Variants in SLC22A4 observed in about 807,000 individuals in gnomAD.
The protein encoded by SLC22A4 is ET transporter.
SLC22A4 carries 39 observed loss-of-function variants against 56.6 expected under a neutral mutation model. The observed-to-expected ratio is 0.69, with a 90% CI of 0.53 to 0.90. The LOEUF (loss-of-function observed/expected upper bound fraction) is 0.90. SLC22A4 is among the 40% of genes least tolerant of loss of function. SLC22A4 has a pLI of 0.00. For missense variants in SLC22A4, 594 were observed against 696.5 expected (o/e 0.85, Z 1.66); for synonymous variants, 241 against 281.4 (o/e 0.86, Z 1.44).
chr5:132,295,290 A>G (rs1580815357), intron 1 of SLC22A4: 1 of 654,616 alleles, frequency 1.5e-6, no homozygotes, highest in East Asian at 3.2e-5. Context: ...TTTCCTAAGA[A>G]CCTAGATGTT....
Position 132,294,899 on chromosome 5 carries a change from C to G in SLC22A4, c.283C>G (p.Leu95Val), listed in dbSNP as rs1300586749. The G allele has an allele frequency of 6.3e-7, 1 of 1,596,802 alleles. No individual in the cohort carries two copies. ...CGCCACCATCGCCAACTTCTCGGCG[C>G]TCGGGCTGGAGCCGGGGCGCGACGT... is the stretch of plus-strand genomic sequence containing the variant. ...RLATIANFSA[L>V]GLEPGRDVDL... Residue 95 changes from leucine to valine, a missense_variant, in exon 1 of 10, where the codon CTC (leucine) becomes GTC (valine). Transcript: ENST00000200652. This position sits in a 1 kb window ranked among gnomAD's most constrained non-coding sequence, Gnocchi z 5.6.
chr5:132,313,863 A>G, intron 3 of SLC22A4, 95 bp downstream of exon 3: 1 of 1,334,210 alleles, frequency 7.5e-7, no homozygotes, highest in Non-Finnish European at 1.1e-6. Context: ...GTGCTTCCAA[A>G]GCCTTTGGAT....
chr5:132,318,798 A>G (rs1750438205), intron 3 of SLC22A4, among the ~76,000 whole-genome samples: 1 of 152,146 alleles, frequency 6.6e-6, no homozygotes, highest in Admixed American at 6.5e-5. Flanking sequence ...GCCCAGCCAG[A>G]CCAAGACCAA....
intron 1 of SLC22A4, among the ~76,000 whole-genome samples, chr5:132,306,384 AATATATATATATATATATATAT>A (rs55779142): frequency 0.058 from 1,764 of 30,476 alleles, 99 homozygotes; most frequent in East Asian, 0.29. Flanking sequence ...CAAACCGTGA[AATATATATATATATATATATAT>A]ATATATATAT....
chr5:132,319,224 C>T (rs1750456595), intron 3 of SLC22A4, among the ~76,000 whole-genome samples: 1 of 150,850 alleles, frequency 6.6e-6, no homozygotes, highest in Non-Finnish European at 1.5e-5. Flanking sequence ...ATCGCTTGAA[C>T]CCAGGAGGAA....
chr5:132,296,893 ATGT>A (rs149323947), intron 1 of SLC22A4, among the ~76,000 whole-genome samples: 5,977 of 152,296 alleles, frequency 0.039, 327 homozygotes, highest in African/African-American at 0.12. Context: ...ATAGCTACTC[ATGT>A]TGTACGCTGT....
chr5:132,308,456 C>G (rs1301641234), intron 1 of SLC22A4, among the ~76,000 whole-genome samples: 1 of 124,270 alleles, frequency 8.0e-6, no homozygotes, highest in Non-Finnish European at 1.6e-5. Flanking sequence ...TTGCTCTGTG[C>G]CTTCATTTCC....
chr5:132,329,150 G>A (rs1011601846), intron 5 of SLC22A4, among the ~76,000 whole-genome samples: 1 of 151,600 alleles, frequency 6.6e-6, no homozygotes. Context: ...ATGTTGCCCA[G>A]GCTGGTCTCA....
chr5:132,313,639 G>A lies in SLC22A4; in HGVS notation c.523G>A (p.Ala175Thr), dbSNP rs144031153. 184 of 1,614,194 alleles carry A rather than the reference G, an allele frequency of 1.1e-4. No individual in the cohort carries two copies. The highest frequency in any genetic ancestry group is 1.5e-4 in the Non-Finnish European group (173 of 1,180,022). ...GTTTGGCAGGAAGAACGTTCTCTTC[G>A]CAACCATGGCTGTACAGACTGGCTT... ...DRFGRKNVLF[A>T]TMAVQTGFSF... is the part of the protein sequence containing the mutation. The change falls in exon 3 of 10, where the codon GCA becomes ACA. Residue 175 changes from alanine (A) to threonine (T), a missense_variant. Transcript: ENST00000200652.
At chr5:132,336,409 G>A (rs1429540858) in intron 8 of SLC22A4, among the ~76,000 whole-genome samples, 8 of 151,950 alleles carry the variant, frequency 5.3e-5, no homozygotes, top group East Asian at 3.9e-4. Context: ...CTGTAATCCC[G>A]GCTACTCTGG....
intron 8 of SLC22A4, among the ~76,000 whole-genome samples, chr5:132,339,200 T>A (rs1023729279): frequency 1.3e-5 from 2 of 152,334 alleles, no homozygotes; most frequent in Non-Finnish European, 2.9e-5. Context: ...CTCTTTGCAA[T>A]GGAAGAAATT....
At position 132,331,012 on chromosome 5, in the gene SLC22A4, T is replaced by G. The variant is rs1318883991; in HGVS notation, c.952-744T>G. Among the ~76,000 whole-genome samples the G allele has an allele frequency of 4.6e-5, 7 of 152,232 alleles. No individual in the cohort carries two copies. The East Asian group carries it at 1.4e-3, about 29-fold the overall frequency. On this transcript the variant is annotated intron_variant, in intron 5 of 9. Coordinates refer to ENST00000200652, the MANE Select transcript of SLC22A4 (RefSeq NM_003059.3). ...TCGTTACTTGCCCAAGGCCCGCCAG[T>G]AAACTGAAGTCTGTTCTGATGCTAA...
intron 9 of SLC22A4, among the ~76,000 whole-genome samples, chr5:132,342,530 C>T (rs1751251130): frequency 6.6e-6 from 1 of 152,194 alleles, no homozygotes; most frequent in Non-Finnish European, 1.5e-5. Context: ...TAGCATCAGA[C>T]TCCACAGGTG....
At chr5:132,328,899 A>ATGTG (rs1491041863) in intron 5 of SLC22A4, among the ~76,000 whole-genome samples, 15 of 22,018 alleles carry the variant, frequency 6.8e-4, no homozygotes, top group African/African-American at 2.0e-3. Context: ...ATATGTGTGT[A>ATGTG]TGTGTATATA....
At position 132,313,264 on chromosome 5, in the gene SLC22A4, G is replaced by A. The variant is rs147195274; in HGVS notation, c.498-350G>A. On this transcript the variant is annotated intron_variant, in intron 2 of 9. Transcript: ENST00000200652. ...GGATTTACAGAATTTTCATGTTGCT[G>A]ATTCAAGAAATATCTGCAATCTGTG... is the stretch of plus-strand genomic sequence containing the variant. Among the ~76,000 whole-genome samples, 761 of 152,304 alleles carry A rather than the reference G, an allele frequency of 5.0e-3. 2 individuals carry two copies. Among genetic ancestry groups the A allele is most frequent in the Middle Eastern group, 0.037 (11 of 294 alleles).
intron 8 of SLC22A4, 108 bp downstream of exon 8, chr5:132,336,108 T>C (rs1323003199): frequency 1.2e-5 from 14 of 1,174,250 alleles, no homozygotes. Flanking sequence ...TGGAAAAAAG[T>C]ACAAGTTCAC....
intron 5 of SLC22A4, among the ~76,000 whole-genome samples, chr5:132,331,172 A>C (rs1750846369): frequency 6.6e-6 from 1 of 152,128 alleles, no homozygotes. Flanking sequence ...GTCTCTACAA[A>C]AAATGCAAAA....
At chr5:132,324,554 G>A (rs1436717970) in intron 4 of SLC22A4, 1 of 471,192 alleles carries the variant, frequency 2.1e-6, no homozygotes, top group Non-Finnish European at 4.4e-6. Context: ...GCACTGACAA[G>A]CTGAGTGCTC....
At chr5:132,332,197 C>G (rs536604984) in intron 6 of SLC22A4, 1 of 313,934 alleles carries the variant, frequency 3.2e-6, no homozygotes, top group African/African-American at 2.2e-5. Flanking sequence ...ACCTGTAATC[C>G]CAGCTACTTG....
Sources: allele counts gnomAD v4.1 joint callset (sites outside exome capture counted in the v4.1 genomes callset), GRCh38; gene constraint gnomAD v4.1.1; non-coding constraint Gnocchi (gnomAD v3.1); transcripts MANE v1.5; gene names NCBI Gene and HGNC (gene_info 2026-07-23, HGNC 2026-07-21).